The following LITAF variants were observed in gnomAD, a reference collection of about 807,000 sequenced individuals.
LITAF encodes lipopolysaccharide induced TNF factor, also known as lipopolysaccharide-induced tumor necrosis factor-alpha factor.
Under a neutral mutation model 14.5 loss-of-function variants are expected in LITAF, and 9 were observed. The observed-to-expected ratio is 0.62, with a 90% confidence interval of 0.37 to 1.08. LITAF has a LOEUF of 1.08. Ranked by LOEUF, LITAF falls within the 50% of genes least tolerant of loss-of-function variation. The pLI, the probability that LITAF is intolerant of heterozygous loss-of-function variation, is 0.01. For missense variants in LITAF, 206 were observed against 213.4 expected (o/e 0.97, Z 0.22); for synonymous variants, 98 against 88.2 (o/e 1.11, Z -0.62).
At chr16:11,596,083 ACAGGTAGAGGCC>A (rs1181923867) in intron 1 of LITAF, among the ~76,000 whole-genome samples, 2 of 152,122 alleles carry the variant, frequency 1.3e-5, no homozygotes, top group East Asian at 3.9e-4. Context: ...AGCCAGTGGC[ACAGGTAGAGGCC>A]CAGGTGAGCT....
In LITAF at chr16:11,549,191, G is replaced by A. The variant is rs1308533150; in HGVS notation, c.*446C>T. ...ACGGGAAGAGACGGATAAGATAATG[G>A]TAGGCACTAAAGGCTGGTTCAGCCG... On this transcript the variant is annotated 3_prime_UTR_variant, in exon 4 of 4. Transcript: ENST00000622633. This position sits in a 1 kb window ranked among gnomAD's most constrained non-coding sequence, Gnocchi z 4.6. The A allele has an allele frequency of 4.4e-6, 2 of 453,976 alleles. No individual in the cohort carries two copies. The highest frequency in any genetic ancestry group is 2.4e-5 in the Admixed American group (1 of 42,498). 28.1% of individuals were successfully genotyped at this position (453,976 alleles called of 1,614,324 possible). A position where few individuals can be genotyped will look rare whatever the true frequency, so the allele number is the denominator to read the frequency against.
At chr16:11,563,235 G>A (rs565170752) in intron 1 of LITAF, among the ~76,000 whole-genome samples, 104 of 152,044 alleles carry the variant, frequency 6.8e-4, no homozygotes, top group African/African-American at 2.2e-3. Flanking sequence ...GGCAACCTCC[G>A]CTTCCCAGGC....
At chr16:11,556,399 A>C (rs1456543244) in intron 2 of LITAF, 112 bp downstream of exon 2, 1 of 872,296 alleles carries the variant, frequency 1.1e-6, no homozygotes, top group Admixed American at 2.7e-5. Context: ...GTAAAACTGG[A>C]ACGTACTGGC....
upstream of LITAF, among the ~76,000 whole-genome samples, chr16:11,591,338 C>A (rs1206770104): frequency 2.6e-5 from 3 of 115,142 alleles, 1 homozygote; most frequent in African/African-American, 8.4e-5. Context: ...GTGCGCACCA[C>A]CATGCCTAGC....
At chr16:11,559,886 T>C (rs1039153402) in intron 1 of LITAF, among the ~76,000 whole-genome samples, 1 of 151,424 alleles carries the variant, frequency 6.6e-6, no homozygotes, top group African/African-American at 2.4e-5. Context: ...TCCCAGCTAC[T>C]TGGGAGGCTG....
At chr16:11,624,532 G>A (rs1488563459) in intron 3 of LITAF, among the ~76,000 whole-genome samples, 1 of 152,198 alleles carries the variant, frequency 6.6e-6, no homozygotes, top group African/African-American at 2.4e-5. Flanking sequence ...TACCACAGTG[G>A]GGCATGTGAG....
chr16:11,631,320 G>T (rs2065116834), intron 3 of LITAF, among the ~76,000 whole-genome samples: 1 of 152,174 alleles, frequency 6.6e-6, no homozygotes, highest in Admixed American at 6.5e-5. Context: ...ATCTAGGGAG[G>T]GTCCTCTCTT....
intron 3 of LITAF, among the ~76,000 whole-genome samples, chr16:11,625,805 G>A (rs1285188505): frequency 6.6e-6 from 1 of 152,142 alleles, no homozygotes; most frequent in Non-Finnish European, 1.5e-5. Context: ...CCCAGAACTT[G>A]GAGTCAGCCA....
rs79019105 is a variant in LITAF at position 11,605,031 on chromosome 16, C to A, written c.85+28502G>T. 7.0e-3 allele frequency among the ~76,000 whole-genome samples: 1,070 copies of A among 152,310 alleles called. 24 individuals are homozygous for A. Among genetic ancestry groups the A allele is most frequent in the African/African-American group, 0.025 (1,026 of 41,564 alleles). On this transcript the variant is annotated intron_variant, in intron 3 of 3. Coordinates refer to the LITAF transcript ENST00000574848. This position sits in a 1 kb window ranked among gnomAD's most constrained non-coding sequence, Gnocchi z 4.7. ...GGAAAGAACGGAACTTCCTTGCCTA[C>A]TCCAGGAATCGGCCAGGACCACTGC...
At chr16:11,623,781 A>G (rs1367000734) in intron 3 of LITAF, among the ~76,000 whole-genome samples, 2 of 151,994 alleles carry the variant, frequency 1.3e-5, no homozygotes, top group African/African-American at 4.8e-5. Context: ...AGCCTGGCCA[A>G]CACGGTGAAA....
At chr16:11,587,904 G>A (rs2064824202), upstream of LITAF, among the ~76,000 whole-genome samples, 1 of 152,114 alleles carries the variant, frequency 6.6e-6, no homozygotes, top group South Asian at 2.1e-4. Context: ...TTTGGACAGG[G>A]AGCTTCCGAG....
chr16:11,550,368 G>T (rs963367518), intron 3 of LITAF, among the ~76,000 whole-genome samples: 3 of 152,154 alleles, frequency 2.0e-5, no homozygotes, highest in Admixed American at 6.5e-5. Context: ...GGGATTACAG[G>T]CGAGAGCCAC....
At chr16:11,587,912 G>A (rs1055176645), upstream of LITAF, among the ~76,000 whole-genome samples, 3 of 152,118 alleles carry the variant, frequency 2.0e-5, no homozygotes, top group Non-Finnish European at 2.9e-5. Context: ...GGGAGCTTCC[G>A]AGCCCCATGC....
intron 1 of LITAF, among the ~76,000 whole-genome samples, chr16:11,557,126 C>G (rs1227978471): frequency 1.3e-5 from 2 of 150,416 alleles, no homozygotes; most frequent in African/African-American, 2.5e-5. Flanking sequence ...TTTTCACTAA[C>G]TGTTTCAGGT....
upstream of LITAF, among the ~76,000 whole-genome samples, chr16:11,640,286 G>A (rs370497037): frequency 7.2e-5 from 11 of 152,298 alleles, no homozygotes; most frequent in East Asian, 3.9e-4. Flanking sequence ...AGGGGTTCTC[G>A]CTCTGATACT....
chr16:11,610,397 C>A lies in LITAF; in HGVS notation c.85+23136G>T, dbSNP rs538424685. 4.2e-5 allele frequency among the ~76,000 whole-genome samples: 6 copies of A among 144,272 alleles called. 1 individual carries two copies. Among genetic ancestry groups the A allele is most frequent in the Admixed American group, 2.9e-4 (4 of 13,980 alleles). The allele number at this position is 144,272 out of a possible 152,430, so 94.6% of individuals were successfully genotyped here. Reference sequence around the variant, plus strand: ...GGGTGAGGATCGGGAAAGGACGTGGCGGTCGGGCAGGCAGGAAATCTTTAT... The same window carrying A: ...GGGTGAGGATCGGGAAAGGACGTGGAGGTCGGGCAGGCAGGAAATCTTTAT... On this transcript the variant is annotated intron_variant, in intron 3 of 3. Coordinates refer to the LITAF transcript ENST00000574848.
intron 3 of LITAF, among the ~76,000 whole-genome samples, chr16:11,628,769 C>T (rs1322905720): frequency 1.3e-5 from 2 of 152,118 alleles, no homozygotes; most frequent in African/African-American, 4.8e-5. Flanking sequence ...CTCCATCTCC[C>T]GGGTTCCAGT....
chr16:11,603,084 A>G (rs1473336485), upstream of LITAF, among the ~76,000 whole-genome samples: 1 of 152,224 alleles, frequency 6.6e-6, no homozygotes, highest in Non-Finnish European at 1.5e-5. Context: ...ACTGCATTCC[A>G]GCCTGGGCAA....
intron 3 of LITAF, among the ~76,000 whole-genome samples, chr16:11,612,562 G>A (rs555160151): frequency 6.6e-6 from 1 of 152,218 alleles, no homozygotes; most frequent in Non-Finnish European, 1.5e-5. Context: ...GGCGGCCAGG[G>A]CCGGCCCAGC....
Sources: gnomAD v4.1 joint callset for allele counts (sites outside exome capture counted in the v4.1 genomes callset) on GRCh38, gnomAD v4.1.1 for gene constraint, Gnocchi (gnomAD v3.1) non-coding constraint, MANE v1.5 for transcripts, NCBI Gene and HGNC (gene_info 2026-07-23, HGNC 2026-07-21) for gene names.